Variants in HELLS observed in about 807,000 individuals in gnomAD.
HELLS encodes helicase, lymphoid specific.
HELLS carries 32 observed loss-of-function variants against 120.0 expected under a neutral mutation model. The observed-to-expected ratio is 0.27, with a 90% confidence interval of 0.20 to 0.36. HELLS has a LOEUF of 0.36. HELLS is among the 10% of genes least tolerant of loss of function. The pLI is 1.00. For synonymous variants in HELLS, 341 were observed against 323.4 expected (o/e 1.05, Z -0.58); for missense variants, 650 against 993.4 (o/e 0.65, Z 4.65).
chr10:94,597,942 G>A (rs746327379), intron 21 of HELLS, among the ~76,000 whole-genome samples: 1 of 151,506 alleles, frequency 6.6e-6, no homozygotes, highest in Non-Finnish European at 1.5e-5. Context: ...TATTAGCTGG[G>A]TTATTTAAGA....
intron 10 of HELLS, among the ~76,000 whole-genome samples, chr10:94,578,965 C>A (rs1308012772): frequency 6.6e-6 from 1 of 152,104 alleles, no homozygotes; most frequent in Non-Finnish European, 1.5e-5. Context: ...GATGAAGCTT[C>A]CCTTTTCTGT....
intron 2 of HELLS, among the ~76,000 whole-genome samples, chr10:94,552,820 AT>A (rs1565014956): frequency 6.7e-6 from 1 of 149,848 alleles, no homozygotes; most frequent in Non-Finnish European, 1.5e-5. Context: ...AAAAAAAAAA[AT>A]ACAAAAAATT....
chr10:94,586,476 G>A (rs1387850110), intron 12 of HELLS, among the ~76,000 whole-genome samples: 1 of 152,032 alleles, frequency 6.6e-6, no homozygotes, highest in Non-Finnish European at 1.5e-5. Flanking sequence ...ATTGCCTGTC[G>A]GCATATTTGT....
At chr10:94,557,980 T>C (rs1843346030) in intron 3 of HELLS, among the ~76,000 whole-genome samples, 159 bp from the exon 4 acceptor site, 1 of 152,224 alleles carries the variant, frequency 6.6e-6, no homozygotes, top group South Asian at 2.1e-4. Context: ...ATCTGTCCCA[T>C]TAGTCCATAA....
At chr10:94,603,930 C>G (rs1298492301), downstream of HELLS, among the ~76,000 whole-genome samples, 1 of 151,978 alleles carries the variant, frequency 6.6e-6, no homozygotes, top group East Asian at 1.9e-4. Context: ...CGGGTTCAAG[C>G]GATTCTCCTA....
chr10:94,584,354 T>G (rs1845018901), intron 12 of HELLS, among the ~76,000 whole-genome samples: 1 of 152,104 alleles, frequency 6.6e-6, no homozygotes, highest in Non-Finnish European at 1.5e-5. Flanking sequence ...TTGTGTGTGT[T>G]CATGTGCACA....
intron 12 of HELLS, among the ~76,000 whole-genome samples, chr10:94,584,434 A>G (rs889976354): frequency 1.3e-5 from 2 of 152,102 alleles, no homozygotes; most frequent in African/African-American, 2.4e-5. Flanking sequence ...AGAAATTTCA[A>G]TGCACCAATA....
intron 4 of HELLS, among the ~76,000 whole-genome samples, chr10:94,558,455 G>C (rs993367932): frequency 6.6e-6 from 1 of 152,140 alleles, no homozygotes; most frequent in African/African-American, 2.4e-5. Flanking sequence ...TTCTTAATTG[G>C]AAAGAATCTG....
chr10:94,576,273 T>C (rs1047299616), intron 9 of HELLS, among the ~76,000 whole-genome samples: 2 of 152,156 alleles, frequency 1.3e-5, no homozygotes, highest in East Asian at 1.9e-4. Context: ...CTCACTCCAC[T>C]GGGTGAGTAG....
At chr10:94,578,974 GTAAAT>G (rs1028075877) in intron 10 of HELLS, among the ~76,000 whole-genome samples, 2 of 152,070 alleles carry the variant, frequency 1.3e-5, no homozygotes, top group African/African-American at 4.8e-5. Flanking sequence ...TCCCTTTTCT[GTAAAT>G]ACAGACGAGG....
downstream of HELLS, among the ~76,000 whole-genome samples, chr10:94,604,124 C>CTTTTTTT (rs1197097813): frequency 7.7e-6 from 1 of 130,414 alleles, no homozygotes; most frequent in Non-Finnish European, 1.6e-5. Context: ...CCACATCTGG[C>CTTTTTTT]TTTTTTTTTT....
intron 4 of HELLS, among the ~76,000 whole-genome samples, chr10:94,561,491 G>T (rs547775886): frequency 6.6e-6 from 1 of 151,864 alleles, no homozygotes; most frequent in Non-Finnish European, 1.5e-5. Flanking sequence ...TTTTTTAGAG[G>T]TGATGTCTCA....
At chr10:94,574,816 A>G in intron 9 of HELLS, 80 bp downstream of exon 9, 2 of 1,122,464 alleles carry the variant, frequency 1.8e-6, no homozygotes, top group South Asian at 1.6e-5. Flanking sequence ...TAAATTGTAG[A>G]ACTCTTATAA....
At chr10:94,587,296 T>C (rs1322512670) in intron 12 of HELLS, among the ~76,000 whole-genome samples, 2 of 152,292 alleles carry the variant, frequency 1.3e-5, no homozygotes, top group African/African-American at 2.4e-5. Flanking sequence ...TAGATGTATA[T>C]ATTTATGAGG....
intron 9 of HELLS, among the ~76,000 whole-genome samples, 195 bp downstream of exon 9, chr10:94,574,931 C>G (rs1378335688): frequency 2.0e-5 from 3 of 152,066 alleles, no homozygotes; most frequent in Non-Finnish European, 1.5e-5. Flanking sequence ...TCCCTGACAT[C>G]TTTCCTAAAA....
intron 4 of HELLS, among the ~76,000 whole-genome samples, 172 bp from the exon 5 acceptor site, chr10:94,562,519 A>T (rs971856494): frequency 1.3e-5 from 2 of 152,228 alleles, no homozygotes; most frequent in Admixed American, 6.5e-5. Context: ...TGAACAAGTT[A>T]TAGTAGGGAA....
chr10:94,592,112 G>T (rs1845516545), intron 15 of HELLS, 117 bp from the exon 16 acceptor site: 2 of 665,872 alleles, frequency 3.0e-6, no homozygotes, highest in South Asian at 4.1e-5. Context: ...TAACAGGTCA[G>T]TTTTTAAGTT....
rs771611227 is a variant in HELLS, at chr10:94,558,100, C to G, written c.277-39C>G. On this transcript the variant is annotated intron_variant, in intron 3 of 21. Coordinates refer to ENST00000348459, the MANE Select transcript of HELLS (RefSeq NM_018063.5). ...ATATGCGTTTTTTTTTTAAATGTTG[C>G]ACTTTCCACTTGTGACATAAGAAAA... The G allele has an allele frequency of 3.9e-6, 6 of 1,543,070 alleles. No homozygotes were observed. In the Admixed American group the frequency reaches 1.4e-4, roughly 37 times the overall value.
In HELLS at chr10:94,546,476, G is replaced by A. The variant is rs1414938106; in HGVS notation, c.131G>A (p.Arg44Lys). 1.2e-6 allele frequency: 2 copies of A among 1,614,042 alleles called. No homozygotes were observed. The highest frequency in any genetic ancestry group is 1.7e-6 in the Non-Finnish European group (2 of 1,180,050). ...CAGCTTGAAGCTGCTGGACTAGAGAGAGAGCGGAAGATGCTGGAAAAGGTA... is the reference window on the plus strand; with the variant it reads ...CAGCTTGAAGCTGCTGGACTAGAGAAAGAGCGGAAGATGCTGGAAAAGGTA... ...EEQLEAAGLERERKMLEKARM... is the reference protein window; with the variant it reads ...EEQLEAAGLEKERKMLEKARM... Residue 44 changes from arginine (R) to lysine (K), a missense_variant, in exon 2 of 22, where the codon AGA becomes AAA. By Grantham distance (26) the Arg-to-Lys change is conservative (BLOSUM62 2). Coordinates refer to ENST00000348459, the MANE Select transcript of HELLS (RefSeq NM_018063.5).
Sources: allele counts gnomAD v4.1 joint callset (sites outside exome capture counted in the v4.1 genomes callset), GRCh38; gene constraint gnomAD v4.1.1; transcripts MANE v1.5; gene names NCBI Gene and HGNC (gene_info 2026-07-23, HGNC 2026-07-21).